CCDC146: variants seen among roughly 807,000 people sequenced by gnomAD.
CCDC146 encodes coiled-coil domain containing 146.
In CCDC146, 92 loss-of-function variants were observed where a neutral mutation model predicts 119.3. The observed-to-expected ratio is 0.77, with a 90% CI of 0.65 to 0.92. The LOEUF is 0.92. Among genes scored for constraint, CCDC146 ranks in the 40% least tolerant of loss-of-function variants. The pLI is 0.00. For synonymous variants in CCDC146, 372 were observed against 371.8 expected (o/e 1.00, Z -0.01); for missense variants, 1,000 against 1,103.0 (o/e 0.91, Z 1.32).
At position 77,259,960 on chromosome 7, in the gene CCDC146, G is replaced by C. The variant is rs1584120384; in HGVS notation, c.759-49G>C. 3.2e-5 allele frequency: 13 copies of C among 406,464 alleles called. No individual in the cohort carries two copies. In the South Asian group the frequency reaches 3.9e-4, roughly 12 times the overall value. 25.2% of individuals were successfully genotyped at this position (406,464 alleles called of 1,614,324 possible). On this transcript the variant is annotated intron_variant, in intron 7 of 18. Transcript: ENST00000285871. ...GGCAAGTGTGTGTGTGTGTGTGTGT[G>C]TGTGTGTGTGTGTGTGTGTGTGTGT...
At chr7:77,155,714 G>T (rs1404765417) in intron 1 of CCDC146, among the ~76,000 whole-genome samples, 1 of 152,144 alleles carries the variant, frequency 6.6e-6, no homozygotes, top group Non-Finnish European at 1.5e-5. Flanking sequence ...TGTTTAAATT[G>T]TGAAGGGTTA....
At chr7:77,243,375 A>G (rs1792886302) in intron 4 of CCDC146, among the ~76,000 whole-genome samples, 1 of 152,264 alleles carries the variant, frequency 6.6e-6, no homozygotes, top group South Asian at 2.1e-4. Flanking sequence ...ATAATGTATC[A>G]TTCTTAAGCT....
chr7:77,135,554 A>G (rs375069528), intron 1 of CCDC146, among the ~76,000 whole-genome samples: 1 of 152,216 alleles, frequency 6.6e-6, no homozygotes, highest in African/African-American at 2.4e-5. Context: ...GTGTTTTTCC[A>G]TAGGAACTTG....
chr7:77,196,116 CA>C lies in CCDC146; in HGVS notation c.156+28293del. 1 of 588,254 alleles carries C rather than the reference CA, an allele frequency of 1.7e-6. No homozygotes were observed. 36.4% of individuals were successfully genotyped at this position (588,254 alleles called of 1,614,324 possible). A position where few individuals can be genotyped will look rare whatever the true frequency, so the allele number is the denominator to read the frequency against. On this transcript the variant is annotated intron_variant, in intron 2 of 18. Transcript: ENST00000285871. This position sits in a 1 kb window ranked among gnomAD's most constrained non-coding sequence, Gnocchi z 4.2. ...AACAACAAAGGACTCCTTTAAAATG[CA>C]TTGTTTTTCAGCTTTATTTCAAATG...
chr7:77,268,328 G>C (rs530151289), intron 9 of CCDC146, among the ~76,000 whole-genome samples: 20 of 152,268 alleles, frequency 1.3e-4, no homozygotes, highest in African/African-American at 4.3e-4. Flanking sequence ...TTACAGAGGG[G>C]CTTTGTCTGA....
chr7:77,190,123 C>T (rs1315588636), intron 2 of CCDC146, among the ~76,000 whole-genome samples: 1 of 152,188 alleles, frequency 6.6e-6, no homozygotes, highest in Admixed American at 6.6e-5. Flanking sequence ...GCTAACTTTA[C>T]CCCAGCATTT....
intron 1 of CCDC146, among the ~76,000 whole-genome samples, chr7:77,141,286 G>C (rs1483583522): frequency 6.6e-6 from 1 of 152,088 alleles, no homozygotes; most frequent in Non-Finnish European, 1.5e-5. Flanking sequence ...TCCATGTTGT[G>C]TATGTGCACA....
intron 4 of CCDC146, among the ~76,000 whole-genome samples, chr7:77,252,247 T>C (rs1222873548): frequency 6.6e-6 from 1 of 152,078 alleles, no homozygotes; most frequent in East Asian, 1.9e-4. Flanking sequence ...AGAGAAGGTA[T>C]ATGATTATGA....
intron 2 of CCDC146, among the ~76,000 whole-genome samples, chr7:77,231,818 G>GTTTT (rs71524924): frequency 1.5e-5 from 2 of 137,886 alleles, no homozygotes. Flanking sequence ...TGTTGTTGTT[G>GTTTT]TTTTTTTTTT....
At chr7:77,257,656 G>A (rs1291176406) in intron 6 of CCDC146, among the ~76,000 whole-genome samples, 1 of 152,206 alleles carries the variant, frequency 6.6e-6, no homozygotes, top group Non-Finnish European at 1.5e-5. Flanking sequence ...TCTGCCCCAG[G>A]ACTGAGCAAG....
At chr7:77,142,650 T>TGAGA (rs1790953936) in intron 1 of CCDC146, among the ~76,000 whole-genome samples, 1 of 151,590 alleles carries the variant, frequency 6.6e-6, no homozygotes, top group Admixed American at 6.6e-5. Flanking sequence ...CACCTATGAG[T>TGAGA]GAGAACATGC....
rs554778336 is a variant in CCDC146, at chr7:77,201,579, G to GA, written c.156+33765dup. Among the ~76,000 whole-genome samples, 77 of 113,588 alleles carry GA rather than the reference G, an allele frequency of 6.8e-4. 1 individual carries two copies. The East Asian group carries it at 9.7e-3, about 14-fold the overall frequency. 74.5% of individuals were successfully genotyped at this position (113,588 alleles called of 152,430 possible). ...CCCAGCCCCACCCCTCACAAAAAAA[G>GA]AAAAAAAAAACTTAGAGCACTTAAG... On this transcript the variant is annotated intron_variant, in intron 2 of 18. Transcript: ENST00000285871.
chr7:77,214,731 TC>T (rs1792265385), intron 2 of CCDC146, among the ~76,000 whole-genome samples: 1 of 152,116 alleles, frequency 6.6e-6, no homozygotes, highest in African/African-American at 2.4e-5. Flanking sequence ...TTGTTGGAGA[TC>T]AGTTGGTTGT....
In CCDC146 at chr7:77,259,939, AGTGTGTGTGTGTGTGTGTGTGTGT is replaced by A. The variant is rs58669153; in HGVS notation, c.759-35_759-12del. On this transcript the variant is annotated intron_variant, in intron 7 of 18. Coordinates refer to ENST00000285871, the MANE Select transcript of CCDC146 (RefSeq NM_020879.3). ...GCCAGCATGGCCTCAAAATAAGGCAAGTGTGTGTGTGTGTGTGTGTGTGTGTGTGTGTGTGTGTGTGTGTGTGTG... is the reference window on the plus strand; with the variant it reads ...GCCAGCATGGCCTCAAAATAAGGCAAGTGTGTGTGTGTGTGTGTGTGTGTG... The A allele has an allele frequency of 6.4e-3, 4,814 of 757,912 alleles. 70 individuals carry two copies. The highest frequency in any genetic ancestry group is 0.023 in the African/African-American group (1,193 of 50,928). The allele number at this position is 757,912 out of a possible 1,614,324, so 46.9% of individuals were successfully genotyped here. A position where few individuals can be genotyped will look rare whatever the true frequency, so the allele number is the denominator to read the frequency against.
In CCDC146 at chr7:77,280,650, A is replaced by C; in HGVS notation, c.1916A>C (p.Glu639Ala). The change falls in exon 14 of 19, where the codon GAA (glutamate) becomes GCA (alanine). Residue 639 changes from glutamate to alanine, a missense_variant. Physicochemically the swap from Glu to Ala is moderately radical, Grantham distance 107. This residue lies in a region of CCDC146 where 985 missense variants were observed against 1,045.3 expected (regional missense o/e 0.94). Transcript: ENST00000285871. ...RYEKAVQHRNESGVQLIEREE... is the reference protein window; with the variant it reads ...RYEKAVQHRNASGVQLIEREE... ...GAAAAAGCTGTTCAGCATCGAAATG[A>C]AAGGTAAAAACCAGGTGTGAGAACA... is the stretch of plus-strand genomic sequence containing the variant. 1 of 1,607,232 alleles carries C rather than the reference A, an allele frequency of 6.2e-7. No homozygotes were observed. The highest frequency in any genetic ancestry group is 2.2e-5 in the East Asian group (1 of 44,546).
In CCDC146 at chr7:77,139,231, A is replaced by G. The variant is rs541909864; in HGVS notation, c.-12+16499A>G. 3.9e-3 allele frequency among the ~76,000 whole-genome samples: 599 copies of G among 152,372 alleles called. 2 individuals are homozygous for G. Among genetic ancestry groups the G allele is most frequent in the African/African-American group, 0.013 (560 of 41,590 alleles). On this transcript the variant is annotated intron_variant, in intron 1 of 18. Coordinates refer to ENST00000285871, the MANE Select transcript of CCDC146 (RefSeq NM_020879.3). Reference sequence around the variant, plus strand: ...AAAGACATGGAGGAAACTTAAGTGCATATTACTAAGTGAAAGAAACCCATC... The same window carrying G: ...AAAGACATGGAGGAAACTTAAGTGCGTATTACTAAGTGAAAGAAACCCATC...
intron 2 of CCDC146, among the ~76,000 whole-genome samples, chr7:77,224,372 C>G (rs957228237): frequency 5.3e-5 from 8 of 152,198 alleles, no homozygotes; most frequent in African/African-American, 1.9e-4. Flanking sequence ...TATTTCAGAT[C>G]TTTCCTCCTT....
chr7:77,285,695 C>T lies in CCDC146; in HGVS notation c.2149-1103C>T, dbSNP rs532240170. Among the ~76,000 whole-genome samples the T allele has an allele frequency of 1.5e-4, 23 of 152,240 alleles. No homozygotes were observed. The East Asian group carries it at 2.7e-3, about 18-fold the overall frequency. On this transcript the variant is annotated intron_variant, in intron 15 of 18. Transcript: ENST00000285871. ...ATGCTTGTTGGTTGTCACCATGCTC[C>T]GTATCTCTCTCCCTATAAAACAAAA...
chr7:77,226,969 TTA>T (rs1007513527), intron 2 of CCDC146, among the ~76,000 whole-genome samples: 1 of 152,266 alleles, frequency 6.6e-6, no homozygotes, highest in Non-Finnish European at 1.5e-5. Context: ...TTATGATTTT[TTA>T]TGTTTAAGGC....
Sources: gnomAD v4.1 joint callset for allele counts (sites outside exome capture counted in the v4.1 genomes callset) on GRCh38, gnomAD v4.1.1 for gene constraint, gnomAD v4.1.1 regional missense constraint, Gnocchi (gnomAD v3.1) non-coding constraint, MANE v1.5 for transcripts, NCBI Gene and HGNC (gene_info 2026-07-23, HGNC 2026-07-21) for gene names.